The following ANKMY1 variants were observed in gnomAD, a reference collection of about 807,000 sequenced individuals.
The protein encoded by ANKMY1 is ankyrin repeat and MYND domain-containing protein 1.
Under a neutral mutation model 102.0 loss-of-function variants are expected in ANKMY1, and 98 were observed. That is an observed-to-expected ratio of 0.96 (90% CI 0.82 to 1.14). The LOEUF (loss-of-function observed/expected upper bound fraction) is 1.14. Among genes scored for constraint, ANKMY1 ranks in the 50% most tolerant of loss-of-function variants. ANKMY1 has a pLI of 0.00. For synonymous variants in ANKMY1, 582 were observed against 559.9 expected (o/e 1.04, Z -0.56); for missense variants, 1,330 against 1,347.6 (o/e 0.99, Z 0.20).
intron 8 of ANKMY1, among the ~76,000 whole-genome samples, chr2:240,521,470 G>A (rs929963281): frequency 1.3e-5 from 2 of 150,968 alleles, no homozygotes; most frequent in Non-Finnish European, 2.9e-5. Flanking sequence ...GAATGAAGTC[G>A]CGGAACTCGC....
intron 13 of ANKMY1, among the ~76,000 whole-genome samples, chr2:240,504,574 A>G (rs957303598): frequency 5.3e-5 from 8 of 151,970 alleles, no homozygotes; most frequent in African/African-American, 1.7e-4. Flanking sequence ...CTAAAACTCA[A>G]TAATATTAAA....
At chr2:240,528,954 G>C (rs1399507614) in intron 5 of ANKMY1, 83 bp downstream of exon 5, 1 of 1,286,696 alleles carries the variant, frequency 7.8e-7, no homozygotes, top group African/African-American at 1.5e-5. Flanking sequence ...GTCAGTGGCA[G>C]CTGGCCGGGG....
rs1316673048 is a variant in ANKMY1, at chr2:240,520,416, C to T, written c.1950G>A (p.Gly650=). 8 of 1,607,680 alleles carry T rather than the reference C, an allele frequency of 5.0e-6. No homozygotes were observed. The highest frequency in any genetic ancestry group is 6.8e-6 in the Non-Finnish European group (8 of 1,177,292). ...FLAVKAGDVD[G]VRLLLEHGAR... The stretch of plus-strand genomic sequence containing the variant: ...CCCCGTGCTCCAGCAGCAGCCTCAC[C>T]CCATCCACGTCCCCGGCCTTCACAG... Residue 650 remains glycine (G), a synonymous_variant, in exon 9 of 18, where the codon GGG becomes GGA. Transcript: ENST00000401804. The surrounding 1 kb of genome is among the most constrained non-coding windows in gnomAD (Gnocchi z 4.8).
At chr2:240,478,561 A>G (rs1422481896), downstream of ANKMY1, among the ~76,000 whole-genome samples, 1 of 152,056 alleles carries the variant, frequency 6.6e-6, no homozygotes, top group South Asian at 2.1e-4. Flanking sequence ...ATGCAGGGGT[A>G]CAAAGGCCTG....
chr2:240,472,398 C>T, the ANKMY1 span, among the ~76,000 whole-genome samples: 7 of 152,114 alleles, frequency 4.6e-5, no homozygotes, highest in Non-Finnish European at 1.0e-4. Context: ...GGAGGCATGC[C>T]CATCTGTGCC....
At chr2:240,473,737 C>T in the ANKMY1 span, among the ~76,000 whole-genome samples, 1 of 151,998 alleles carries the variant, frequency 6.6e-6, no homozygotes, top group Admixed American at 6.6e-5. Flanking sequence ...ATGTGATACA[C>T]CATATTAACA....
In ANKMY1 at chr2:240,523,862, CACCAGCTGGTGCCA is replaced by C; in HGVS notation, c.1832+9_1832+22del. The stretch of plus-strand genomic sequence containing the variant: ...AGCCCTGATGGTGGCCCTCCACCCC[CACCAGCTGGTGCCA>C]GGACCTACTCGATCATGGACAGCGC... On this transcript the variant is annotated intron_variant, in intron 8 of 17. Transcript: ENST00000401804. The C allele has an allele frequency of 3.7e-6, 6 of 1,602,896 alleles. No individual in the cohort carries two copies. Among genetic ancestry groups the C allele is most frequent in the Non-Finnish European group, 5.1e-6 (6 of 1,172,444 alleles).
intron 13 of ANKMY1, among the ~76,000 whole-genome samples, chr2:240,501,068 A>C (rs567463584): frequency 5.3e-5 from 8 of 150,950 alleles, no homozygotes; most frequent in African/African-American, 2.0e-4. Flanking sequence ...ATGTGTGTTC[A>C]TGGGTGGCTG....
Position 240,482,180 on chromosome 2 carries a change from T to C in ANKMY1, c.2885+3A>G, listed in dbSNP as rs2075477495. The C allele has an allele frequency of 6.2e-7, 1 of 1,612,160 alleles. No homozygotes were observed. Among genetic ancestry groups the C allele is most frequent in the Non-Finnish European group, 8.5e-7 (1 of 1,179,024 alleles). On this transcript the variant is annotated splice_donor_region_variant and intron_variant, in intron 16 of 17. Transcript: ENST00000401804. ...AAAGAACCCAGCCTGCAGACACACT[T>C]ACTGCCCCTGCTCCTTCACATCCAG...
chr2:240,539,307 C>G (rs993912387), intron 4 of ANKMY1, among the ~76,000 whole-genome samples: 1 of 150,688 alleles, frequency 6.6e-6, no homozygotes, highest in African/African-American at 2.4e-5. Flanking sequence ...ACCAGAGGAA[C>G]GAACAACTCC....
chr2:240,553,522 T>A (rs1186348297), intron 3 of ANKMY1: 1 of 170,306 alleles, frequency 5.9e-6, no homozygotes. Context: ...CAGCACTGGT[T>A]GGACACGTGA....
intron 16 of ANKMY1, 81 bp from the exon 17 acceptor site, chr2:240,481,178 C>A: frequency 1.3e-6 from 2 of 1,530,374 alleles, no homozygotes; most frequent in Non-Finnish European, 1.8e-6. Flanking sequence ...GGAGCTGTGC[C>A]TGGCCCTGAG....
intron 15 of ANKMY1, among the ~76,000 whole-genome samples, chr2:240,483,700 T>G (rs1189105306): frequency 6.6e-6 from 1 of 152,228 alleles, no homozygotes; most frequent in Non-Finnish European, 1.5e-5. Context: ...CTTCTTATTA[T>G]TATACTTCAA....
At chr2:240,476,915 C>T (rs1376955360), downstream of ANKMY1, among the ~76,000 whole-genome samples, 3 of 152,342 alleles carry the variant, frequency 2.0e-5, no homozygotes, top group East Asian at 1.9e-4. Context: ...AAAACTTCCA[C>T]GTGCAAACTG....
At chr2:240,523,073 C>T (rs1325504541) in intron 8 of ANKMY1, 18 of 152,274 alleles carry the variant, frequency 1.2e-4, no homozygotes, top group South Asian at 4.2e-4. Flanking sequence ...GCGCTTCTTG[C>T]GGGGAAGCGG....
intron 9 of ANKMY1, among the ~76,000 whole-genome samples, chr2:240,515,101 G>C (rs780705103): frequency 6.6e-6 from 1 of 152,216 alleles, no homozygotes; most frequent in Non-Finnish European, 1.5e-5. Context: ...GAGATTGCAA[G>C]GGGCAATTCT....
chr2:240,531,408 A>G (rs1269069794), intron 4 of ANKMY1, among the ~76,000 whole-genome samples: 2 of 152,228 alleles, frequency 1.3e-5, no homozygotes, highest in Non-Finnish European at 2.9e-5. Context: ...AGTGAAAACA[A>G]AGATATATGT....
At chr2:240,478,526 G>A (rs193301062), downstream of ANKMY1, among the ~76,000 whole-genome samples, 38 of 152,254 alleles carry the variant, frequency 2.5e-4, no homozygotes, top group Non-Finnish European at 1.3e-4. Flanking sequence ...CCTCCCAGGG[G>A]CAGCCTGTGG....
At chr2:240,501,169 G>A (rs1314071190) in intron 13 of ANKMY1, among the ~76,000 whole-genome samples, 1 of 151,716 alleles carries the variant, frequency 6.6e-6, no homozygotes, top group African/African-American at 2.4e-5. Flanking sequence ...ATATGTGCAT[G>A]CATGTTCATA....
Sources: gnomAD v4.1 joint callset for allele counts (sites outside exome capture counted in the v4.1 genomes callset) on GRCh38, gnomAD v4.1.1 for gene constraint, Gnocchi (gnomAD v3.1) non-coding constraint, MANE v1.5 for transcripts, NCBI Gene and HGNC (gene_info 2026-07-23, HGNC 2026-07-21) for gene names.